GNAQ: variants seen among roughly 807,000 people sequenced by gnomAD.
GNAQ encodes guanine nucleotide-binding protein G(q) subunit alpha.
GNAQ carries 8 observed loss-of-function variants against 43.9 expected under a neutral mutation model. The ratio of observed to expected loss-of-function variants is 0.18; its 90% confidence interval spans 0.11 to 0.33. The LOEUF (loss-of-function observed/expected upper bound fraction) is 0.33, where lower values mean the gene tolerates loss of function less well. Ranked by LOEUF, GNAQ falls within the 10% of genes least tolerant of loss-of-function variation. GNAQ has a pLI of 1.00. For missense variants in GNAQ, 158 were observed against 450.8 expected (o/e 0.35, Z 5.88); for synonymous variants, 155 against 170.7 (o/e 0.91, Z 0.71).
At chr9:78,015,436 T>C (rs17725268) in intron 1 of GNAQ, among the ~76,000 whole-genome samples, 9,019 of 152,230 alleles carry the variant, frequency 0.059, 301 homozygotes, top group African/African-American at 0.064. Flanking sequence ...ATAGGAGAAA[T>C]TGCCACAAAC....
chr9:77,998,275 A>G (rs968597801), intron 1 of GNAQ, among the ~76,000 whole-genome samples: 10 of 152,228 alleles, frequency 6.6e-5, no homozygotes, highest in Admixed American at 1.3e-4. Context: ...GGCACCTCTC[A>G]TGCTGCCTTT....
intron 1 of GNAQ, among the ~76,000 whole-genome samples, chr9:77,925,303 C>T (rs1021070424): frequency 3.3e-5 from 5 of 152,192 alleles, no homozygotes. Context: ...CTGTCCTGTT[C>T]TCTATAAATC....
chr9:77,947,197 A>G (rs1265870643), intron 1 of GNAQ, among the ~76,000 whole-genome samples: 2 of 152,188 alleles, frequency 1.3e-5, no homozygotes, highest in Non-Finnish European at 2.9e-5. Flanking sequence ...TTTGGATTAT[A>G]ATTACTTATG....
chr9:77,978,281 T>C (rs971150876), intron 1 of GNAQ, among the ~76,000 whole-genome samples: 6 of 152,202 alleles, frequency 3.9e-5, no homozygotes, highest in African/African-American at 1.4e-4. Flanking sequence ...CACACTTACT[T>C]CACCTCTATT....
intron 5 of GNAQ, among the ~76,000 whole-genome samples, chr9:77,729,402 T>G (rs944354010): frequency 2.0e-5 from 3 of 152,164 alleles, no homozygotes; most frequent in Admixed American, 6.5e-5. Flanking sequence ...AAGCCTACCT[T>G]GGTAACAGAA....
At chr9:77,984,976 T>G (rs183117218) in intron 1 of GNAQ, among the ~76,000 whole-genome samples, 27 of 152,262 alleles carry the variant, frequency 1.8e-4, no homozygotes, top group African/African-American at 6.3e-4. Flanking sequence ...ATGGCAATTT[T>G]ATGGCATGGA....
At chr9:77,952,039 A>G (rs866115878) in intron 1 of GNAQ, among the ~76,000 whole-genome samples, 1 of 152,210 alleles carries the variant, frequency 6.6e-6, no homozygotes, top group African/African-American at 2.4e-5. Flanking sequence ...CAGGATAATC[A>G]TGAGTGGGCA....
chr9:77,976,273 G>C (rs1823300449), intron 1 of GNAQ, among the ~76,000 whole-genome samples: 1 of 152,186 alleles, frequency 6.6e-6, no homozygotes, highest in Admixed American at 6.6e-5. Flanking sequence ...CAACAATCAA[G>C]GCTGAAGAAC....
At chr9:77,733,252 T>G (rs1825523491) in intron 5 of GNAQ, among the ~76,000 whole-genome samples, 1 of 152,048 alleles carries the variant, frequency 6.6e-6, no homozygotes, top group Non-Finnish European at 1.5e-5. Context: ...CAGCAAAGGG[T>G]CTTATACCTC....
intron 1 of GNAQ, among the ~76,000 whole-genome samples, chr9:77,976,867 G>A (rs1764569788): frequency 6.6e-6 from 1 of 152,196 alleles, no homozygotes; most frequent in African/African-American, 2.4e-5. Context: ...CTGAACAACA[G>A]CTTCAATGAG....
chr9:78,020,931 C>T (rs1319538214), intron 1 of GNAQ, among the ~76,000 whole-genome samples: 6 of 152,120 alleles, frequency 3.9e-5, no homozygotes, highest in South Asian at 2.1e-4. Flanking sequence ...CCTGGCACCT[C>T]CAGTGGAATT....
chr9:77,729,833 C>T (rs994885257), intron 5 of GNAQ, among the ~76,000 whole-genome samples: 1 of 152,206 alleles, frequency 6.6e-6, no homozygotes. Context: ...TCCTAGTTTC[C>T]TGCCATGTGA....
At chr9:77,898,021 G>A (rs1828531780) in intron 2 of GNAQ, among the ~76,000 whole-genome samples, 1 of 150,642 alleles carries the variant, frequency 6.6e-6, no homozygotes, top group Non-Finnish European at 1.5e-5. Flanking sequence ...GGCCAAGAAA[G>A]CGGGATGACA....
chr9:77,997,326 T>C (rs1823581966), intron 1 of GNAQ, among the ~76,000 whole-genome samples: 1 of 152,188 alleles, frequency 6.6e-6, no homozygotes, highest in Admixed American at 6.5e-5. Context: ...CCCTCCTACA[T>C]TCAATCAGCA....
chr9:77,932,461 A>G (rs890189159), intron 1 of GNAQ, among the ~76,000 whole-genome samples: 6 of 152,340 alleles, frequency 3.9e-5, no homozygotes, highest in Admixed American at 2.0e-4. Flanking sequence ...ATACAGAGTG[A>G]CCTGACTGCT....
chr9:78,023,010 T>C (rs1162515187), intron 1 of GNAQ, among the ~76,000 whole-genome samples: 1 of 152,192 alleles, frequency 6.6e-6, no homozygotes, highest in Non-Finnish European at 1.5e-5. Context: ...GTGAGGAAGA[T>C]GCCTACACAT....
chr9:77,819,029 A>AAAAAAAAG (rs1564120114), intron 2 of GNAQ, among the ~76,000 whole-genome samples: 2 of 119,184 alleles, frequency 1.7e-5, no homozygotes, highest in Non-Finnish European at 3.6e-5. Context: ...AAAAAAAAAA[A>AAAAAAAAG]CACCCAAAAA....
At chr9:77,853,522 G>A (rs1460835774) in intron 2 of GNAQ, among the ~76,000 whole-genome samples, 1 of 151,972 alleles carries the variant, frequency 6.6e-6, no homozygotes, top group Non-Finnish European at 1.5e-5. Context: ...AGAAAACCAT[G>A]GAAGCCATTC....
intron 5 of GNAQ, among the ~76,000 whole-genome samples, chr9:77,777,459 C>A (rs1337890262): frequency 6.6e-6 from 1 of 151,934 alleles, no homozygotes; most frequent in Admixed American, 6.6e-5. Flanking sequence ...GATATAACAC[C>A]TAAAGCACAA....
Sources: allele counts gnomAD v4.1 joint callset (sites outside exome capture counted in the v4.1 genomes callset), GRCh38; gene constraint gnomAD v4.1.1; transcripts MANE v1.5; gene names NCBI Gene and HGNC (gene_info 2026-07-23, HGNC 2026-07-21).